Variants in TUB observed in about 807,000 individuals in gnomAD.
TUB encodes the protein tubby protein homolog.
Under a neutral mutation model 59.7 loss-of-function variants are expected in TUB, and 33 were observed. The ratio of observed to expected loss-of-function variants is 0.55; its 90% CI spans 0.42 to 0.74. The LOEUF is 0.74. Among genes scored for constraint, TUB ranks in the 30% least tolerant of loss-of-function variants. The pLI, the probability that TUB is intolerant of heterozygous loss-of-function variation, is 0.00. For missense variants in TUB, 659 were observed against 672.0 expected (o/e 0.98, Z 0.21); for synonymous variants, 293 against 256.4 (o/e 1.14, Z -1.36).
chr11:8,053,246 G>A lies in TUB; in HGVS notation c.203+13554G>A, dbSNP rs142214849. Among the ~76,000 whole-genome samples, 790 of 152,208 alleles carry A rather than the reference G, an allele frequency of 5.2e-3. 6 individuals are homozygous for A. Among genetic ancestry groups the A allele is most frequent in the African/African-American group, 0.018 (748 of 41,546 alleles). On this transcript the variant is annotated intron_variant, in intron 2 of 12. Coordinates refer to the TUB transcript ENST00000305253. The stretch of plus-strand genomic sequence containing the variant: ...CCGGAAATGGAATGAGCTCTATATG[G>A]TGCATGTTACATTTTTCATTCAACT...
chr11:8,101,764 C>G lies in TUB; in HGVS notation c.*145C>G. On this transcript the variant is annotated 3_prime_UTR_variant, in exon 12 of 12. Coordinates refer to ENST00000299506, the MANE Select transcript of TUB (RefSeq NM_177972.3). ...CAGTGGGCTCCCTGGCCCAGCCAGCCAGGAACTGGCTCCTTTGCCTCTGCT... is the reference window on the plus strand; with the variant it reads ...CAGTGGGCTCCCTGGCCCAGCCAGCGAGGAACTGGCTCCTTTGCCTCTGCT... 7.1e-7 allele frequency: 1 copy of G among 1,400,930 alleles called. No homozygotes were observed. The highest frequency in any genetic ancestry group is 1.5e-5 in the South Asian group (1 of 66,854). 86.8% of individuals were successfully genotyped at this position (1,400,930 alleles called of 1,614,324 possible). A position where few individuals can be genotyped will look rare whatever the true frequency, so the allele number is the denominator to read the frequency against.
chr11:8,094,192 C>T lies in TUB; in HGVS notation c.397+3C>T. The T allele has an allele frequency of 6.2e-7, 1 of 1,610,134 alleles. No individual in the cohort carries two copies. The highest frequency in any genetic ancestry group is 8.5e-7 in the Non-Finnish European group (1 of 1,177,984). ...GGAGAAGAAGGGAAAGCACAAAGGT[C>T]AGCTCACATTCTCTACAGCCCTCCC... On this transcript the variant is annotated splice_donor_region_variant and intron_variant, in intron 4 of 11. Transcript: ENST00000299506.
At chr11:8,093,496 C>T (rs1176322176) in intron 3 of TUB, among the ~76,000 whole-genome samples, 1 of 152,132 alleles carries the variant, frequency 6.6e-6, no homozygotes, top group East Asian at 1.9e-4. Context: ...TGGAGGCCAC[C>T]AGCTGGGACC....
intron 1 of TUB, among the ~76,000 whole-genome samples, chr11:8,030,120 C>T (rs576531568): frequency 5.9e-5 from 9 of 152,088 alleles, no homozygotes; most frequent in African/African-American, 2.2e-4. Flanking sequence ...GGAGGTGGGG[C>T]ATGGACTTTT....
At chr11:8,082,371 C>T (rs1371579208) in intron 1 of TUB, among the ~76,000 whole-genome samples, 1 of 152,084 alleles carries the variant, frequency 6.6e-6, no homozygotes, top group Non-Finnish European at 1.5e-5. Flanking sequence ...GGGAAGGGGG[C>T]GGGGAGGTGG....
chr11:8,097,264 C>CA lies in TUB; in HGVS notation c.726dup (p.Pro243ThrfsTer5), dbSNP rs1250737342. 3 of 1,614,194 alleles carry CA rather than the reference C, an allele frequency of 1.9e-6. No homozygotes were observed. Among genetic ancestry groups the CA allele is most frequent in the Non-Finnish European group, 8.5e-7 (1 of 1,180,034 alleles). On this transcript the variant is annotated frameshift_variant, in exon 7 of 12. Coordinates refer to ENST00000299506, the MANE Select transcript of TUB (RefSeq NM_177972.3). LOFTEE classifies it high-confidence loss of function. ...AGCCCCTAGCCCAACAGCTCCAGAG[C>CA]AACCAGTGGACGTTGAGGTCCAGGA...
At position 8,102,681 on chromosome 11, in the gene TUB, G is replaced by T. The variant is rs910013524; in HGVS notation, c.*1062G>T. 1 of 152,150 alleles carries T rather than the reference G, an allele frequency of 6.6e-6. No individual in the cohort carries two copies. Among genetic ancestry groups the T allele is most frequent in the African/African-American group, 2.4e-5 (1 of 41,418 alleles). 9.4% of individuals were successfully genotyped at this position (152,150 alleles called of 1,614,324 possible). On this transcript the variant is annotated 3_prime_UTR_variant, in exon 12 of 12. Transcript: ENST00000299506. ...TGGTTGGTAACCATGTAGGTTCTTGGGAGGGAATGGGACAGGGTGAATAAA... is the reference window on the plus strand; with the variant it reads ...TGGTTGGTAACCATGTAGGTTCTTGTGAGGGAATGGGACAGGGTGAATAAA...
chr11:8,039,058 A>G, intron 1 of TUB: 3 of 1,607,816 alleles, frequency 1.9e-6, no homozygotes, highest in Non-Finnish European at 2.5e-6. Context: ...CCTTTAGCCC[A>G]TGGGCCCAAC....
chr11:8,072,657 G>C lies in TUB; in HGVS notation c.204-16953G>C, dbSNP rs1364083448. Reference sequence around the variant, plus strand: ...ATTCACAGACACACGTCCCTTCTCAGTTCATCCTCACACACTATGTGCAGT... The same window carrying C: ...ATTCACAGACACACGTCCCTTCTCACTTCATCCTCACACACTATGTGCAGT... On this transcript the variant is annotated intron_variant, in intron 2 of 12. Coordinates refer to the TUB transcript ENST00000305253. Among the ~76,000 whole-genome samples the C allele has an allele frequency of 2.0e-5, 3 of 152,144 alleles. No homozygotes were observed. In the East Asian group the frequency reaches 5.8e-4, roughly 29 times the overall value.
chr11:8,055,048 C>A (rs957736052), intron 2 of TUB, among the ~76,000 whole-genome samples: 4 of 152,156 alleles, frequency 2.6e-5, no homozygotes, highest in African/African-American at 7.2e-5. Flanking sequence ...CCCCTGGAAA[C>A]CCCCTCAGCT....
upstream of TUB, among the ~76,000 whole-genome samples, chr11:8,037,086 G>T (rs989620653): frequency 6.6e-6 from 1 of 152,234 alleles, no homozygotes; most frequent in Non-Finnish European, 1.5e-5. Context: ...CTGAAAGAGA[G>T]TTTCTGGGAG....
chr11:8,048,349 C>T (rs1374922001), intron 2 of TUB, among the ~76,000 whole-genome samples: 2 of 152,052 alleles, frequency 1.3e-5, no homozygotes, highest in Non-Finnish European at 2.9e-5. Flanking sequence ...TTTAGAGTGT[C>T]CACAAAAAGG....
At chr11:8,080,316 C>T (rs566337339), upstream of TUB, among the ~76,000 whole-genome samples, 3 of 152,368 alleles carry the variant, frequency 2.0e-5, no homozygotes, top group South Asian at 6.2e-4. Context: ...TTGGTGACCC[C>T]TCAGCCTGCT....
At chr11:8,039,359 C>G (rs998770296) in intron 1 of TUB, among the ~76,000 whole-genome samples, 8 of 152,164 alleles carry the variant, frequency 5.3e-5, no homozygotes, top group Non-Finnish European at 1.5e-5. Flanking sequence ...CTCCTCCTTC[C>G]AGCTTCTGCC....
intron 5 of TUB, 133 bp downstream of exon 5, chr11:8,095,798 T>C: frequency 9.9e-7 from 1 of 1,009,244 alleles, no homozygotes; most frequent in South Asian, 1.8e-5. Context: ...GGGGCACACT[T>C]CGGAGACAAA....
chr11:8,049,457 G>A (rs1332815093), intron 2 of TUB, among the ~76,000 whole-genome samples: 3 of 151,960 alleles, frequency 2.0e-5, no homozygotes, highest in Non-Finnish European at 4.4e-5. Context: ...ACCACTGGCC[G>A]AGGCCCAGCA....
chr11:8,059,419 A>G (rs759544443), intron 2 of TUB, among the ~76,000 whole-genome samples: 61 of 152,316 alleles, frequency 4.0e-4, no homozygotes, highest in South Asian at 1.5e-3. Context: ...TCAGCGGAAC[A>G]GTGCCTCTCG....
In TUB at chr11:8,097,835, A is replaced by G. The variant is rs1944067979; in HGVS notation, c.998+9A>G. On this transcript the variant is annotated intron_variant, in intron 8 of 11. Coordinates refer to ENST00000299506, the MANE Select transcript of TUB (RefSeq NM_177972.3). The stretch of plus-strand genomic sequence containing the variant: ...TATATCGGGAAACTGCGGTACTAGC[A>G]TTCCCCCAGGAAGCAGGCGGGAGTG... The G allele has an allele frequency of 6.2e-6, 10 of 1,605,126 alleles. No individual in the cohort carries two copies. The highest frequency in any genetic ancestry group is 7.7e-6 in the Non-Finnish European group (9 of 1,172,304).
At chr11:8,032,711 C>T (rs1213702519) in intron 1 of TUB, among the ~76,000 whole-genome samples, 1 of 152,188 alleles carries the variant, frequency 6.6e-6, no homozygotes, top group East Asian at 1.9e-4. Context: ...ACGCCAGGCT[C>T]TCCACACCTG....
Sources: allele counts gnomAD v4.1 joint callset (sites outside exome capture counted in the v4.1 genomes callset), GRCh38; gene constraint gnomAD v4.1.1; transcripts MANE v1.5; gene names NCBI Gene and HGNC (gene_info 2026-07-23, HGNC 2026-07-21).